Variants in UPRT observed in about 807,000 individuals in gnomAD.
UPRT encodes uracil phosphoribosyltransferase homolog, also known as RP11-311P8.3.
Under a neutral mutation model 22.6 loss-of-function variants are expected in UPRT, and 5 were observed. That is an observed-to-expected ratio of 0.22 (90% CI 0.12 to 0.47). The LOEUF (loss-of-function observed/expected upper bound fraction) is 0.47. UPRT is among the 20% of genes least tolerant of loss of function. The probability of loss-of-function intolerance (pLI) is 0.99; values close to 1 mark genes in which losing one functional copy is unlikely to be tolerated. For missense variants in UPRT, 181 were observed against 239.9 expected (o/e 0.75, Z 1.62); for synonymous variants, 77 against 87.7 (o/e 0.88, Z 0.68).
At chrX:75,157,422 T>A (rs1273678924) in intron 1 of UPRT, among the ~76,000 whole-genome samples, 1 of 111,975 alleles carries the variant, frequency 8.9e-6, no homozygotes. Context: ...TTGACTGGAA[T>A]TACACGTAAA....
intron 4 of UPRT, among the ~76,000 whole-genome samples, chrX:75,199,745 T>A (rs1008907519): frequency 1.4e-4 from 15 of 110,884 alleles, no homozygotes; most frequent in East Asian, 5.7e-4. Context: ...TTAAAAAAAA[T>A]TTTTTTTTAT....
intron 4 of UPRT, among the ~76,000 whole-genome samples, chrX:75,205,399 A>T (rs1054603603): frequency 4.6e-5 from 5 of 108,003 alleles, no homozygotes; most frequent in Non-Finnish European, 9.6e-5. Context: ...AAAAAAAAAA[A>T]AAAAAAAAAA....
chrX:75,238,385 A>T (rs2082477198), intron 4 of UPRT, among the ~76,000 whole-genome samples: 1 of 112,090 alleles, frequency 8.9e-6, no homozygotes, highest in African/African-American at 3.2e-5. Context: ...ACAGATAAAG[A>T]GGGGCATTAT....
At chrX:75,190,901 ATCT>A (rs2082312742) in intron 4 of UPRT, among the ~76,000 whole-genome samples, 1 of 109,814 alleles carries the variant, frequency 9.1e-6, no homozygotes, top group East Asian at 2.9e-4. Flanking sequence ...CAAGGTTTTT[ATCT>A]TCTTTGTGAT....
chrX:75,246,124 C>CT (rs1375423784), intron 4 of UPRT, among the ~76,000 whole-genome samples: 3 of 109,831 alleles, frequency 2.7e-5, no homozygotes, highest in African/African-American at 1.0e-4. Context: ...TGTTATTATA[C>CT]TTTAAGTTCT....
At chrX:75,265,832 A>T (rs1362389786) in intron 4 of UPRT, among the ~76,000 whole-genome samples, 1 of 110,936 alleles carries the variant, frequency 9.0e-6, no homozygotes, top group Non-Finnish European at 1.9e-5. Context: ...GTCTTTGATG[A>T]TGGTGACATA....
chrX:75,299,122 T>G (rs1438594966), intron 4 of UPRT, among the ~76,000 whole-genome samples: 1 of 112,638 alleles, frequency 8.9e-6, no homozygotes, highest in Non-Finnish European at 1.9e-5. Flanking sequence ...TTAAAGGAAT[T>G]CAGACTCAAA....
intron 4 of UPRT, among the ~76,000 whole-genome samples, chrX:75,219,220 A>G (rs2147634039): frequency 8.9e-6 from 1 of 111,805 alleles, no homozygotes; most frequent in African/African-American, 3.2e-5. Context: ...TTCATGATCA[A>G]TAAGTAGTAA....
chrX:75,195,793 G>A (rs1017382301), intron 4 of UPRT, among the ~76,000 whole-genome samples: 2 of 112,089 alleles, frequency 1.8e-5, no homozygotes, highest in African/African-American at 6.5e-5. Context: ...GTCTTCCTCT[G>A]AAGATCTGCT....
chrX:75,282,959 G>A (rs1035685540), intron 1 of UPRT, among the ~76,000 whole-genome samples: 3 of 111,895 alleles, frequency 2.7e-5, no homozygotes, highest in South Asian at 3.7e-4. Context: ...GAGGTCCTAT[G>A]TTAGGTGCAT....
intron 4 of UPRT, among the ~76,000 whole-genome samples, chrX:75,235,917 T>C (rs1365145697): frequency 9.0e-6 from 1 of 111,471 alleles, no homozygotes; most frequent in African/African-American, 3.3e-5. Context: ...TCACCACTCC[T>C]ATTCAACATT....
At chrX:75,170,303 C>A (rs905400735) in intron 4 of UPRT, among the ~76,000 whole-genome samples, 28 of 111,853 alleles carry the variant, frequency 2.5e-4, no homozygotes, top group African/African-American at 7.8e-4. Flanking sequence ...TCCCAAATTG[C>A]TGGGATTACA....
chrX:75,239,254 A>C (rs1359767971), intron 4 of UPRT, among the ~76,000 whole-genome samples: 3 of 111,891 alleles, frequency 2.7e-5, no homozygotes, highest in Non-Finnish European at 5.7e-5. Context: ...TAATAAGCTG[A>C]ATTAGAAATA....
Position 75,207,714 on chromosome X carries a change from T to A in UPRT, c.-447+39835T>A, listed in dbSNP as rs149637804. ...GTAATGTGTTGGTAGAGAGTGAGTT[T>A]CTGTGCCTCTGAGGCCAGCAATGTG... On this transcript the variant is annotated intron_variant, in intron 4 of 13. Coordinates refer to the UPRT transcript ENST00000652605. Among the ~76,000 whole-genome samples, 35 of 111,716 alleles carry A rather than the reference T, an allele frequency of 3.1e-4. No individual in the cohort carries two copies. The East Asian group carries it at 8.7e-3, about 28-fold the overall frequency.
chrX:75,180,679 C>CTTTTTT (rs2082265991), intron 4 of UPRT, among the ~76,000 whole-genome samples: 1 of 30,007 alleles, frequency 3.3e-5, no homozygotes, highest in African/African-American at 1.1e-4. Flanking sequence ...CCCCTTTTCT[C>CTTTTTT]TGTTTTTTTT....
At chrX:75,252,349 AAAAC>A (rs1218537453) in intron 4 of UPRT, among the ~76,000 whole-genome samples, 13 of 112,250 alleles carry the variant, frequency 1.2e-4, no homozygotes, top group East Asian at 1.1e-3. Flanking sequence ...TTACAAGAAA[AAAAC>A]AAACAACCCC....
rs145847082 is a variant in UPRT, at chrX:75,264,419, C to G, written c.-446-26605C>G. Among the ~76,000 whole-genome samples the G allele has an allele frequency of 5.0e-4, 56 of 111,802 alleles. No individual in the cohort carries two copies. In the East Asian group the frequency reaches 0.015, roughly 31 times the overall value. On this transcript the variant is annotated intron_variant, in intron 4 of 13. Coordinates refer to the UPRT transcript ENST00000652605. ...AATCTGGGTGCTCCTGTATTGGGTGCATATATAGTTAGGATAGTTAGCTCT... is the reference window on the plus strand; with the variant it reads ...AATCTGGGTGCTCCTGTATTGGGTGGATATATAGTTAGGATAGTTAGCTCT...
intron 4 of UPRT, among the ~76,000 whole-genome samples, chrX:75,263,795 C>G (rs1455162599): frequency 3.6e-5 from 4 of 110,711 alleles, no homozygotes; most frequent in Non-Finnish European, 7.6e-5. Flanking sequence ...CTCTAGTTCT[C>G]TTAATTGTGA....
At chrX:75,236,975 G>T (rs1350932598) in intron 4 of UPRT, among the ~76,000 whole-genome samples, 2 of 112,200 alleles carry the variant, frequency 1.8e-5, no homozygotes, top group African/African-American at 3.2e-5. Context: ...AAGAGCTTCT[G>T]CACAGCAAAA....
Sources: allele counts gnomAD v4.1 joint callset (sites outside exome capture counted in the v4.1 genomes callset), GRCh38; gene constraint gnomAD v4.1.1; transcripts MANE v1.5; gene names NCBI Gene and HGNC (gene_info 2026-07-23, HGNC 2026-07-21).